DGKB: variants seen among roughly 807,000 people sequenced by gnomAD.
The protein encoded by DGKB is diacylglycerol kinase beta.
Under a neutral mutation model 114.3 loss-of-function variants are expected in DGKB, and 67 were observed. The observed-to-expected ratio is 0.59, with a 90% CI of 0.48 to 0.72. The LOEUF (loss-of-function observed/expected upper bound fraction) is 0.72, where lower values mean the gene tolerates loss of function less well. DGKB is among the 30% of genes least tolerant of loss of function. The pLI is 0.00. For missense variants in DGKB, 907 were observed against 975.2 expected (o/e 0.93, Z 0.93); for synonymous variants, 398 against 323.1 (o/e 1.23, Z -2.49).
intron 1 of DGKB, among the ~76,000 whole-genome samples, chr7:14,890,945 A>C (rs1004509638): frequency 2.6e-5 from 4 of 151,612 alleles, no homozygotes; most frequent in African/African-American, 9.6e-5. Flanking sequence ...GACTACACTT[A>C]GTCGAATTAA....
At chr7:14,366,883 T>A (rs1267165023) in intron 21 of DGKB, among the ~76,000 whole-genome samples, 1 of 152,156 alleles carries the variant, frequency 6.6e-6, no homozygotes, top group Admixed American at 6.5e-5. Flanking sequence ...AGAAAATTAA[T>A]TAATAACAAA....
At chr7:14,254,389 A>ATGAT (rs1371165838) in intron 23 of DGKB, among the ~76,000 whole-genome samples, 1 of 152,208 alleles carries the variant, frequency 6.6e-6, no homozygotes, top group Non-Finnish European at 1.5e-5. Flanking sequence ...TTGATATCAC[A>ATGAT]TGATAGAACA....
chr7:14,772,277 C>A (rs1837533675), intron 2 of DGKB, among the ~76,000 whole-genome samples: 1 of 152,068 alleles, frequency 6.6e-6, no homozygotes, highest in African/African-American at 2.4e-5. Context: ...TGACTCTTTT[C>A]ATTGACAGCA....
intron 13 of DGKB, among the ~76,000 whole-genome samples, chr7:14,655,660 T>C (rs1815632108): frequency 6.6e-6 from 1 of 151,588 alleles, no homozygotes; most frequent in Non-Finnish European, 1.5e-5. Context: ...GATGAGTAGA[T>C]AAAATAATTA....
chr7:14,392,043 C>T (rs936509460), intron 21 of DGKB, among the ~76,000 whole-genome samples: 1 of 152,058 alleles, frequency 6.6e-6, no homozygotes, highest in Non-Finnish European at 1.5e-5. Context: ...TTATAATATA[C>T]ATTTCATGTG....
At chr7:14,437,219 T>A (rs1397683808) in intron 21 of DGKB, among the ~76,000 whole-genome samples, 1 of 152,042 alleles carries the variant, frequency 6.6e-6, no homozygotes, top group African/African-American at 2.4e-5. Flanking sequence ...AAACTTTATA[T>A]CAGTCCCAGA....
At chr7:14,828,561 A>G (rs542815683) in intron 2 of DGKB, among the ~76,000 whole-genome samples, 1 of 152,036 alleles carries the variant, frequency 6.6e-6, no homozygotes, top group African/African-American at 2.4e-5. Flanking sequence ...TACCAGTACT[A>G]TCTGAGAGAG....
rs374981792 is a variant in DGKB at position 14,249,387 on chromosome 7, C to T, written c.2123-71236G>A. On this transcript the variant is annotated intron_variant, in intron 23 of 25. Coordinates refer to ENST00000402815, the MANE Select transcript of DGKB (RefSeq NM_001350709.2). The stretch of plus-strand genomic sequence containing the variant: ...TAGTCGGGAGGTATTCCTTCTTCTT[C>T]TTCCATTTTTTGAAGAGTTTAGGAA... Among the ~76,000 whole-genome samples the T allele has an allele frequency of 3.9e-3, 589 of 152,194 alleles. 2 individuals are homozygous for T. Among genetic ancestry groups the T allele is most frequent in the African/African-American group, 0.013 (546 of 41,534 alleles).
intron 4 of DGKB, among the ~76,000 whole-genome samples, chr7:14,750,454 C>T (rs918301922): frequency 2.0e-5 from 3 of 152,128 alleles, no homozygotes; most frequent in African/African-American, 7.2e-5. Flanking sequence ...CAAAGTACAA[C>T]CTATTACTTT....
intron 13 of DGKB, among the ~76,000 whole-genome samples, chr7:14,638,906 C>T (rs562867766): frequency 6.6e-6 from 1 of 152,144 alleles, no homozygotes; most frequent in African/African-American, 2.4e-5. Flanking sequence ...GGCATGGTGG[C>T]TTGCTCTTGT....
At chr7:14,387,371 C>A (rs1283916426) in intron 21 of DGKB, among the ~76,000 whole-genome samples, 1 of 145,634 alleles carries the variant, frequency 6.9e-6, no homozygotes, top group East Asian at 2.1e-4. Flanking sequence ...TGAGACGGCA[C>A]CATTGCACTC....
intron 20 of DGKB, among the ~76,000 whole-genome samples, chr7:14,499,437 C>G (rs1049665997): frequency 2.0e-5 from 3 of 151,630 alleles, no homozygotes; most frequent in South Asian, 4.2e-4. Context: ...CTAGCATGAT[C>G]CACAAAAACA....
intron 9 of DGKB, among the ~76,000 whole-genome samples, chr7:14,692,412 C>A (rs1823029111): frequency 6.6e-6 from 1 of 151,904 alleles, no homozygotes; most frequent in South Asian, 2.1e-4. Context: ...AATTTCCTGA[C>A]TAAAGTTATC....
chr7:14,895,278 T>C lies in DGKB; in HGVS notation c.-188+7314A>G, dbSNP rs1276459907. Among the ~76,000 whole-genome samples the C allele has an allele frequency of 2.6e-5, 4 of 151,690 alleles. No homozygotes were observed. The East Asian group carries it at 7.8e-4, about 29-fold the overall frequency. On this transcript the variant is annotated intron_variant, in intron 1 of 25. Transcript: ENST00000402815. ...TCTAAAATTCTGATTCACTGTGAGTTCATCTGTTTTAGTCTTAAAAATTGC... is the reference window on the plus strand; with the variant it reads ...TCTAAAATTCTGATTCACTGTGAGTCCATCTGTTTTAGTCTTAAAAATTGC...
intron 2 of DGKB, among the ~76,000 whole-genome samples, chr7:14,834,831 G>A (rs564096198): frequency 2.0e-5 from 3 of 152,212 alleles, no homozygotes; most frequent in South Asian, 2.1e-4. Flanking sequence ...TTTTTGGGGG[G>A]AGGTCAAGTC....
chr7:14,562,247 G>T (rs74951400), intron 20 of DGKB, among the ~76,000 whole-genome samples: 3 of 152,210 alleles, frequency 2.0e-5, no homozygotes, highest in African/African-American at 7.2e-5. Flanking sequence ...AGGATGTATG[G>T]AAACATCTGG....
intron 25 of DGKB, chr7:14,176,351 C>G (rs1194760818): frequency 2.0e-6 from 2 of 984,504 alleles, no homozygotes; most frequent in African/African-American, 3.5e-5. Context: ...TTCTGGAAAA[C>G]ACAATTAATT....
chr7:14,803,301 T>C (rs561308839), intron 2 of DGKB, among the ~76,000 whole-genome samples: 8 of 152,128 alleles, frequency 5.3e-5, no homozygotes, highest in Non-Finnish European at 1.2e-4. Flanking sequence ...TATTATTACA[T>C]TGGTCTGGGT....
chr7:14,674,246 G>A (rs541017434), intron 12 of DGKB, among the ~76,000 whole-genome samples: 2 of 152,022 alleles, frequency 1.3e-5, no homozygotes, highest in East Asian at 1.9e-4. Flanking sequence ...GCTTCTCAGG[G>A]GCATATAAAC....
Sources: allele counts gnomAD v4.1 joint callset (sites outside exome capture counted in the v4.1 genomes callset), GRCh38; gene constraint gnomAD v4.1.1; transcripts MANE v1.5; gene names NCBI Gene and HGNC (gene_info 2026-07-23, HGNC 2026-07-21).